Variants in PKD2 observed in about 807,000 individuals in gnomAD.
PKD2 encodes the protein polycystin 2, transient receptor potential cation channel.
PKD2 carries 48 observed loss-of-function variants against 105.9 expected under a neutral mutation model. The ratio of observed to expected loss-of-function variants is 0.45; its 90% CI spans 0.36 to 0.58. The LOEUF is 0.58. Ranked by LOEUF, PKD2 falls within the 20% of genes least tolerant of loss-of-function variation. PKD2 has a pLI of 0.00. For missense variants in PKD2, 1,078 were observed against 1,255.3 expected (o/e 0.86, Z 2.13); for synonymous variants, 464 against 481.1 (o/e 0.96, Z 0.46).
At chr4:88,066,235 A>G (rs1019674632) in intron 12 of PKD2, among the ~76,000 whole-genome samples, 2 of 152,226 alleles carry the variant, frequency 1.3e-5, no homozygotes, top group African/African-American at 4.8e-5. Flanking sequence ...ATCAGCTTGA[A>G]AAGAGAAGCC....
At chr4:88,032,196 G>A (rs1294115199) in intron 2 of PKD2, among the ~76,000 whole-genome samples, 2 of 150,984 alleles carry the variant, frequency 1.3e-5, no homozygotes, top group African/African-American at 4.9e-5. Flanking sequence ...TTTTTTCTTT[G>A]CTTTCTTTTA....
chr4:88,025,735 C>G (rs913637318), intron 2 of PKD2, among the ~76,000 whole-genome samples: 1 of 152,060 alleles, frequency 6.6e-6, no homozygotes, highest in African/African-American at 2.4e-5. Context: ...CGTGTATTGA[C>G]GGAGGTTCCT....
At chr4:88,061,585 A>G (rs1344507279) in intron 9 of PKD2, among the ~76,000 whole-genome samples, 1 of 152,080 alleles carries the variant, frequency 6.6e-6, no homozygotes, top group Non-Finnish European at 1.5e-5. Context: ...TAAAAATACA[A>G]CAGTTAGCCA....
intron 13 of PKD2, among the ~76,000 whole-genome samples, chr4:88,073,374 A>G (rs896536202): frequency 6.6e-6 from 1 of 151,736 alleles, no homozygotes; most frequent in Non-Finnish European, 1.5e-5. Flanking sequence ...AAAAATAGAA[A>G]AATTATCTGG....
At position 88,056,181 on chromosome 4, in the gene PKD2, C is replaced by T. The variant is rs750325515; in HGVS notation, c.1812C>T (p.Phe604=). 2 of 1,613,426 alleles carry T rather than the reference C, an allele frequency of 1.2e-6. No homozygotes were observed. The highest frequency in any genetic ancestry group is 1.7e-6 in the Non-Finnish European group (2 of 1,179,406). Residue 604 remains phenylalanine (F), a synonymous_variant, in exon 8 of 15, where the codon TTC becomes TTT. Coordinates refer to ENST00000237596, the MANE Select transcript of PKD2 (RefSeq NM_000297.4). The stretch of plus-strand genomic sequence containing the variant: ...ACCTGTTTGGCTTTGCTATTATGTT[C>T]TTCATTATTTTCCTAGCGTATGCTC... ...AKDLFGFAIM[F]FIIFLAYAQL...
intron 1 of PKD2, among the ~76,000 whole-genome samples, chr4:88,014,486 TA>T (rs33970692): frequency 4.7e-4 from 68 of 144,720 alleles, no homozygotes; most frequent in African/African-American, 1.1e-3. Flanking sequence ...ACACTGTCTC[TA>T]AAAAAAAAAA....
At chr4:88,065,907 T>C in intron 12 of PKD2, 28 bp downstream of exon 12, 1 of 1,276,898 alleles carries the variant, frequency 7.8e-7, no homozygotes. Flanking sequence ...GAACCGGATT[T>C]GATTTGGTAC....
chr4:88,026,111 G>A (rs1286990875), intron 2 of PKD2, among the ~76,000 whole-genome samples: 1 of 152,196 alleles, frequency 6.6e-6, no homozygotes, highest in African/African-American at 2.4e-5. Context: ...CTGGAACTGG[G>A]TAACAGGCAG....
chr4:88,059,785 A>G (rs1720502028), intron 9 of PKD2, among the ~76,000 whole-genome samples: 1 of 150,542 alleles, frequency 6.6e-6, no homozygotes, highest in South Asian at 2.1e-4. Context: ...ACATACATAG[A>G]CACATACATA....
At chr4:88,013,698 G>A (rs1321942788) in intron 1 of PKD2, among the ~76,000 whole-genome samples, 2 of 149,428 alleles carry the variant, frequency 1.3e-5, no homozygotes, top group Non-Finnish European at 3.0e-5. Context: ...TGAGAGGTGA[G>A]AGCCTGTATC....
rs1283609017 is a variant in PKD2, at chr4:88,061,949, A to T, written c.2063A>T (p.Lys688Ile). 1.3e-6 allele frequency: 2 copies of T among 1,593,782 alleles called. No homozygotes were observed. Among genetic ancestry groups the T allele is most frequent in the Non-Finnish European group, 1.7e-6 (2 of 1,161,752 alleles). Residue 688 changes from lysine (K) to isoleucine (I), a missense_variant, in exon 10 of 15, where the codon AAA becomes ATA. Coordinates refer to ENST00000237596, the MANE Select transcript of PKD2 (RefSeq NM_000297.4). The part of the protein sequence containing the change: ...AIINDTYSEV[K>I]SDLAQQKAEM... ...ATCAATGATACTTACTCTGAAGTGA[A>T]ATCTGACTTGGCACAGCAGAAAGCT...
intron 12 of PKD2, among the ~76,000 whole-genome samples, chr4:88,066,799 A>G (rs1184177164): frequency 1.3e-5 from 2 of 152,254 alleles, no homozygotes; most frequent in African/African-American, 4.8e-5. Flanking sequence ...ATAAATGGTT[A>G]GACAGCAACA....
chr4:88,040,257 A>C (rs975349353), intron 4 of PKD2, among the ~76,000 whole-genome samples: 1 of 152,014 alleles, frequency 6.6e-6, no homozygotes, highest in Non-Finnish European at 1.5e-5. Flanking sequence ...TTCCTCCTCC[A>C]TATTAATTGC....
intron 4 of PKD2, 77 bp from the exon 5 acceptor site, chr4:88,043,156 G>A: frequency 1.1e-6 from 1 of 915,644 alleles, no homozygotes; most frequent in Admixed American, 1.8e-5. Flanking sequence ...ATTTTACAAG[G>A]AACCAGCTGT....
At chr4:88,073,558 A>C (rs1721119052) in intron 13 of PKD2, among the ~76,000 whole-genome samples, 1 of 151,112 alleles carries the variant, frequency 6.6e-6, no homozygotes, top group African/African-American at 2.4e-5. Context: ...TGTTAGGATG[A>C]GAAATGCTGG....
At position 88,007,756 on chromosome 4, in the gene PKD2, A is replaced by G. The variant is rs2110080023; in HGVS notation, c.23A>G (p.Gln8Arg). The stretch of plus-strand genomic sequence containing the variant: ...GCGATGGTGAACTCCAGTCGCGTGC[A>G]GCCTCAGCAGCCCGGGGACGCCAAG... MVNSSRV[Q>R]PQQPGDAKRP... The change falls in exon 1 of 15, where the codon CAG (glutamine) becomes CGG (arginine). Residue 8 changes from glutamine (Q) to arginine (R), a missense_variant. Physicochemically the swap from Gln to Arg is conservative, Grantham distance 43. Around this residue, in one of 2 missense-constraint regions of PKD2, gnomAD observed 210 missense variants for 187.9 expected, o/e 1.12. Coordinates refer to ENST00000237596, the MANE Select transcript of PKD2 (RefSeq NM_000297.4). The G allele has an allele frequency of 8.3e-7, 1 of 1,197,754 alleles. No individual in the cohort carries two copies. The highest frequency in any genetic ancestry group is 1.0e-6 in the Non-Finnish European group (1 of 955,062). The allele number at this position is 1,197,754 out of a possible 1,614,324, so 74.2% of individuals were successfully genotyped here.
chr4:88,068,146 C>T, intron 13 of PKD2, 85 bp downstream of exon 13: 1 of 1,043,146 alleles, frequency 9.6e-7, no homozygotes, highest in Non-Finnish European at 1.5e-6. Context: ...GAATTCACTC[C>T]TTTCCATTAC....
rs780545127 is a variant in PKD2 at position 88,007,693 on chromosome 4, C to T, written c.-41C>T. The T allele has an allele frequency of 7.0e-6, 8 of 1,139,200 alleles. No homozygotes were observed. Among genetic ancestry groups the T allele is most frequent in the Admixed American group, 4.6e-5 (1 of 21,952 alleles). The allele number at this position is 1,139,200 out of a possible 1,614,324, so 70.6% of individuals were successfully genotyped here. ...GGCTCCTGAGGCGCACAGCGCCGAGCGCGGCGCCGCGCACCCGCGCGCCGG... is the reference window on the plus strand; with the variant it reads ...GGCTCCTGAGGCGCACAGCGCCGAGTGCGGCGCCGCGCACCCGCGCGCCGG... On this transcript the variant is annotated 5_prime_UTR_variant, in exon 1 of 15. Coordinates refer to ENST00000237596, the MANE Select transcript of PKD2 (RefSeq NM_000297.4).
At chr4:88,013,036 A>T (rs1003037697) in intron 1 of PKD2, among the ~76,000 whole-genome samples, 1 of 152,128 alleles carries the variant, frequency 6.6e-6, no homozygotes, top group African/African-American at 2.4e-5. Context: ...TCATCAGTTC[A>T]TGGGCATTTG....
Sources: gnomAD v4.1 joint callset for allele counts (sites outside exome capture counted in the v4.1 genomes callset) on GRCh38, gnomAD v4.1.1 for gene constraint, gnomAD v4.1.1 regional missense constraint, MANE v1.5 for transcripts, NCBI Gene and HGNC (gene_info 2026-07-23, HGNC 2026-07-21) for gene names.